ARMH1: variants seen among roughly 807,000 people sequenced by gnomAD.
ARMH1 encodes the protein armadillo like helical domain containing 1.
Under a neutral mutation model 50.2 loss-of-function variants are expected in ARMH1, and 34 were observed. The observed-to-expected ratio is 0.68, with a 90% CI of 0.51 to 0.90. The LOEUF (loss-of-function observed/expected upper bound fraction) is 0.90. Ranked by LOEUF, ARMH1 falls within the 40% of genes least tolerant of loss-of-function variation. ARMH1 has a pLI of 0.00. For missense variants in ARMH1, 538 were observed against 553.9 expected, an observed-to-expected ratio of 0.97 and a Z score of 0.29; for synonymous variants, 221 against 224.2, an observed-to-expected ratio of 0.99 and a Z score of 0.13.
chr1:44,694,490 TGA>T (rs1405777268), intron 2 of ARMH1, among the ~76,000 whole-genome samples: 1 of 149,976 alleles, frequency 6.7e-6, no homozygotes, highest in African/African-American at 2.5e-5. Context: ...TACCATTTAT[TGA>T]GTCTTTTTCT....
chr1:44,702,896 T>C (rs941451970), intron 5 of ARMH1, among the ~76,000 whole-genome samples: 1 of 151,988 alleles, frequency 6.6e-6, no homozygotes, highest in Non-Finnish European at 1.5e-5. Context: ...AGGAAAAGTT[T>C]TGGTGAGTTA....
At position 44,723,939 on chromosome 1, in the gene ARMH1, C is replaced by T. The variant is rs544394542; in HGVS notation, c.725-183C>T. On this transcript the variant is annotated intron_variant, in intron 6 of 11. Transcript: ENST00000535358. Reference sequence around the variant, plus strand: ...CACCATCCAACCCTTCCTCCTCCCCCTTCAGCCCCCTCCTCCTGCTCTTCA... The same window carrying T: ...CACCATCCAACCCTTCCTCCTCCCCTTTCAGCCCCCTCCTCCTGCTCTTCA... 1.8e-4 allele frequency: 131 copies of T among 713,926 alleles called. No individual in the cohort carries two copies. The South Asian group carries it at 2.7e-3, about 15-fold the overall frequency. The allele number at this position is 713,926 out of a possible 1,614,324, so 44.2% of individuals were successfully genotyped here.
intron 2 of ARMH1, among the ~76,000 whole-genome samples, chr1:44,694,532 CAG>C (rs1157755460): frequency 2.5e-5 from 3 of 122,048 alleles, no homozygotes; most frequent in Non-Finnish European, 4.8e-5. Flanking sequence ...TTTTTTGAGA[CAG>C]AGTCTCACTC....
intron 2 of ARMH1, among the ~76,000 whole-genome samples, chr1:44,695,944 CAAA>C (rs11351390): frequency 6.6e-4 from 80 of 121,510 alleles, no homozygotes; most frequent in Admixed American, 6.5e-4. Flanking sequence ...GACCCTATCT[CAAA>C]AAAAAAAAAA....
In ARMH1 at chr1:44,712,802, T is replaced by C. The variant is rs181111691; in HGVS notation, c.724+8629T>C. ...CCTCAGCCTCCCAAGAAGCTGGGAT[T>C]ACAGGCATGTGCCACCACGCCCAGC... On this transcript the variant is annotated intron_variant, in intron 6 of 11. Transcript: ENST00000535358. 3.1e-3 allele frequency among the ~76,000 whole-genome samples: 472 copies of C among 151,548 alleles called. 2 individuals carry two copies. The highest frequency in any genetic ancestry group is 0.011 in the African/African-American group (456 of 41,342).
rs535025545 is a variant in ARMH1, at chr1:44,707,231, C to T, written c.724+3058C>T. ...CAGCACAGTCCCCAGCATGTTAGGT[C>T]CTCATTGCATGTTTGCTGAGTGAGT... On this transcript the variant is annotated intron_variant, in intron 6 of 11. Coordinates refer to ENST00000535358, the MANE Select transcript of ARMH1 (RefSeq NM_001145636.2). Among the ~76,000 whole-genome samples, 7 of 152,018 alleles carry T rather than the reference C, an allele frequency of 4.6e-5. No individual in the cohort carries two copies. The South Asian group carries it at 1.5e-3, about 31-fold the overall frequency.
chr1:44,687,081 G>A (rs1645496851), intron 1 of ARMH1, among the ~76,000 whole-genome samples: 1 of 152,130 alleles, frequency 6.6e-6, no homozygotes, highest in South Asian at 2.1e-4. Flanking sequence ...ATAACAAAGT[G>A]TTATAGACTA....
chr1:44,707,503 C>T (rs1313202434), intron 6 of ARMH1, among the ~76,000 whole-genome samples: 1 of 152,176 alleles, frequency 6.6e-6, no homozygotes, highest in Non-Finnish European at 1.5e-5. Flanking sequence ...AGTCATGGCT[C>T]ACTCCAGCCT....
chr1:44,676,936 A>T (rs1448541133), intron 1 of ARMH1, among the ~76,000 whole-genome samples: 1 of 152,180 alleles, frequency 6.6e-6, no homozygotes, highest in East Asian at 1.9e-4. Context: ...GGTGCCCTTG[A>T]AAAAAAGACT....
rs190634646 is a variant in ARMH1 at position 44,694,778 on chromosome 1, A to G, written c.207-2324A>G. ...ACCCTCCTCAGTGCTGGGATCCCAA[A>G]GTGCTGGGATTACAGGTGTGAGCCA... On this transcript the variant is annotated intron_variant, in intron 2 of 11. Transcript: ENST00000535358. 1.4e-4 allele frequency among the ~76,000 whole-genome samples: 21 copies of G among 152,170 alleles called. No homozygotes were observed. The East Asian group carries it at 3.7e-3, about 27-fold the overall frequency.
At position 44,681,892 on chromosome 1, in the gene ARMH1, G is replaced by A. The variant is rs988109439; in HGVS notation, c.-23+7019G>A. On this transcript the variant is annotated intron_variant, in intron 1 of 11. Coordinates refer to ENST00000535358, the MANE Select transcript of ARMH1 (RefSeq NM_001145636.2). This position sits in a 1 kb window ranked among gnomAD's most constrained non-coding sequence, Gnocchi z 4.3. ...AGCTGTGTTGGTTGGAGGTGAAAGC[G>A]GGAGGTCGCTGGAGTCTGCATTCCA... is the stretch of plus-strand genomic sequence containing the variant. Among the ~76,000 whole-genome samples, 8 of 152,078 alleles carry A rather than the reference G, an allele frequency of 5.3e-5. No homozygotes were observed. Among genetic ancestry groups the A allele is most frequent in the Non-Finnish European group, 4.4e-5 (3 of 67,994 alleles).
chr1:44,703,977 C>G, intron 5 of ARMH1, 112 bp from the exon 6 acceptor site: 1 of 741,322 alleles, frequency 1.3e-6, no homozygotes, highest in South Asian at 1.6e-5. Context: ...CTGCCCACCT[C>G]GGCCTCCTAA....
intron 1 of ARMH1, among the ~76,000 whole-genome samples, chr1:44,686,142 A>G (rs1038801616): frequency 6.6e-6 from 1 of 152,220 alleles, no homozygotes; most frequent in African/African-American, 2.4e-5. Context: ...AGTCTAAACT[A>G]TAGTAGAAAG....
Position 44,724,072 on chromosome 1 carries a change from G to C in ARMH1, c.725-50G>C, listed in dbSNP as rs544735608. Reference sequence around the variant, plus strand: ...GGTTCACGGGGTTCTTTGCTTCCTCGGTGGCGGAGGGGCCTGGGGCCTCTC... The same window carrying C: ...GGTTCACGGGGTTCTTTGCTTCCTCCGTGGCGGAGGGGCCTGGGGCCTCTC... On this transcript the variant is annotated intron_variant, in intron 6 of 11. Transcript: ENST00000535358. The surrounding 1 kb of genome is among the most constrained non-coding windows in gnomAD (Gnocchi z 6.4). 9.8e-6 allele frequency: 15 copies of C among 1,527,862 alleles called. No individual in the cohort carries two copies. In the Admixed American group the frequency reaches 3.2e-4, roughly 33 times the overall value. 94.6% of individuals were successfully genotyped at this position (1,527,862 alleles called of 1,614,324 possible). A position where few individuals can be genotyped will look rare whatever the true frequency, so the allele number is the denominator to read the frequency against.
At chr1:44,678,310 G>T (rs989451810) in intron 1 of ARMH1, among the ~76,000 whole-genome samples, 20 of 151,880 alleles carry the variant, frequency 1.3e-4, no homozygotes, top group Non-Finnish European at 2.6e-4. Flanking sequence ...GAGGGCAAGT[G>T]GGGAGAAGAT....
intron 6 of ARMH1, among the ~76,000 whole-genome samples, chr1:44,715,417 G>T (rs962499680): frequency 3.3e-5 from 5 of 152,314 alleles, no homozygotes; most frequent in Non-Finnish European, 7.4e-5. Context: ...TATTCAATGA[G>T]ATGATCAGAC....
chr1:44,675,973 C>G (rs6668870), intron 1 of ARMH1, among the ~76,000 whole-genome samples: 67,305 of 151,834 alleles, frequency 0.44, 15,571 homozygotes, highest in African/African-American at 0.57. Flanking sequence ...AAAAAAGAAA[C>G]ATTAGTGCAG....
intron 4 of ARMH1, among the ~76,000 whole-genome samples, chr1:44,699,765 G>A (rs1645977242): frequency 1.3e-5 from 2 of 151,666 alleles, no homozygotes; most frequent in South Asian, 4.2e-4. Context: ...TTTTAATATA[G>A]TCCATGAAGT....
At chr1:44,721,858 G>C (rs188064922) in intron 6 of ARMH1, 2 of 152,158 alleles carry the variant, frequency 1.3e-5, no homozygotes, top group African/African-American at 4.8e-5. Context: ...GAAATCTTTA[G>C]TAAAAGGCGA....
Sources: gnomAD v4.1 joint callset for allele counts (sites outside exome capture counted in the v4.1 genomes callset) on GRCh38, gnomAD v4.1.1 for gene constraint, Gnocchi (gnomAD v3.1) non-coding constraint, MANE v1.5 for transcripts, NCBI Gene and HGNC (gene_info 2026-07-23, HGNC 2026-07-21) for gene names.